Variants in ZNF699 observed in about 807,000 individuals in gnomAD.
The protein encoded by ZNF699 is zinc finger protein 699, also known as hangover homolog.
Under a neutral mutation model 22.5 loss-of-function variants are expected in ZNF699, and 18 were observed. That is an observed-to-expected ratio of 0.80 (90% CI 0.55 to 1.19). The LOEUF is 1.19. Ranked by LOEUF, ZNF699 falls within the 50% of genes most tolerant of loss-of-function variation. ZNF699 has a pLI of 0.00. For synonymous variants in ZNF699, 241 were observed against 262.3 expected (o/e 0.92, Z 0.78); for missense variants, 670 against 763.4 (o/e 0.88, Z 1.44).
rs1158594385 is a variant in ZNF699, at chr19:9,293,099, C to T, written c.*2376G>A. On this transcript the variant is annotated 3_prime_UTR_variant, in exon 6 of 6. Coordinates refer to ENST00000591998, the MANE Select transcript of ZNF699 (RefSeq NM_198535.3). ...TGCAGTGAGCAAGATCACGCCACTG[C>T]ACTCCAACCTGGGCACAAGAGTCCG... Among the ~76,000 whole-genome samples the T allele has an allele frequency of 2.1e-5, 3 of 145,262 alleles. No individual in the cohort carries two copies. Among genetic ancestry groups the T allele is most frequent in the African/African-American group, 7.8e-5 (3 of 38,614 alleles).
At chr19:9,305,240 T>C in intron 1 of ZNF699, 116 bp from the exon 2 acceptor site, 1 of 754,178 alleles carries the variant, frequency 1.3e-6, no homozygotes. Flanking sequence ...CCATCAATTA[T>C]AAGTAACAAC....
chr19:9,296,028 G>A lies in ZNF699; in HGVS notation c.1376C>T (p.Pro459Leu). The A allele has an allele frequency of 1.2e-6, 2 of 1,613,992 alleles. No homozygotes were observed. The highest frequency in any genetic ancestry group is 1.7e-6 in the Non-Finnish European group (2 of 1,180,002). Residue 459 changes from proline to leucine, a missense_variant, in exon 6 of 6, where the codon CCC becomes CTC. Coordinates refer to ENST00000591998, the MANE Select transcript of ZNF699 (RefSeq NM_198535.3). ...CKECGKAFSCPSSFRAHVRDH... is the reference protein window; with the variant it reads ...CKECGKAFSCLSSFRAHVRDH... ...TCTCACATGTGCTCTAAAGGACGAG[G>A]GACAACTAAAGGCCTTCCCACATTC... is the stretch of plus-strand genomic sequence containing the variant.
intron 1 of ZNF699, among the ~76,000 whole-genome samples, chr19:9,308,980 A>G (rs1171293759): frequency 6.6e-6 from 1 of 152,170 alleles, no homozygotes; most frequent in Non-Finnish European, 1.5e-5. Flanking sequence ...GTCCACAGGC[A>G]GAATATAATA....
chr19:9,296,150 C>T lies in ZNF699; in HGVS notation c.1254G>A (p.Pro418=), dbSNP rs768906021. Residue 418 remains proline (P), a synonymous_variant, in exon 6 of 6, where the codon CCG becomes CCA. Coordinates refer to ENST00000591998, the MANE Select transcript of ZNF699 (RefSeq NM_198535.3). ...IHMRKHTGEK[P]YECLECGKAF... ...CCTTTCCACATTCCAGACATTCATA[C>T]GGTTTTTCTCCAGTGTGTTTTCTCA... is the stretch of plus-strand genomic sequence containing the variant. The T allele has an allele frequency of 4.0e-5, 64 of 1,612,560 alleles. No individual in the cohort carries two copies. The Middle Eastern group carries it at 6.6e-4, about 17-fold the overall frequency.
chr19:9,295,722 C>T lies in ZNF699; in HGVS notation c.1682G>A (p.Cys561Tyr), dbSNP rs761724143. The T allele has an allele frequency of 2.5e-6, 4 of 1,614,112 alleles. No individual in the cohort carries two copies. Among genetic ancestry groups the T allele is most frequent in the Middle Eastern group, 1.6e-4 (1 of 6,062 alleles). Residue 561 changes from cysteine to tyrosine, a missense_variant, in exon 6 of 6, where the codon TGT (cysteine) becomes TAT (tyrosine). Cys to Tyr is a radical substitution (Grantham distance 194). Coordinates refer to ENST00000591998, the MANE Select transcript of ZNF699 (RefSeq NM_198535.3). ...ACGAAATGCTTTCCCACATTCCTTA[C>T]ATTCATAGGGTTTTTCCCCAGTGTG... ...RTHTGEKPYE[C>Y]KECGKAFRHS...
chr19:9,305,179 G>A, intron 1 of ZNF699, 55 bp from the exon 2 acceptor site: 1 of 1,527,112 alleles, frequency 6.5e-7, no homozygotes, highest in South Asian at 1.1e-5. Flanking sequence ...GGTGACATGA[G>A]AATCCAGACC....
chr19:9,303,932 C>G (rs1370602195), intron 2 of ZNF699, among the ~76,000 whole-genome samples: 4 of 151,944 alleles, frequency 2.6e-5, no homozygotes, highest in South Asian at 2.1e-4. Flanking sequence ...ATTCCCCTGC[C>G]TCAGCCTCCC....
Position 9,298,008 on chromosome 19 carries a change from CA to C in ZNF699, c.176-19del. The C allele has an allele frequency of 2.0e-6, 3 of 1,509,130 alleles. No individual in the cohort carries two copies. Among genetic ancestry groups the C allele is most frequent in the Non-Finnish European group, 2.8e-6 (3 of 1,089,302 alleles). 93.5% of individuals were successfully genotyped at this position (1,509,130 alleles called of 1,614,324 possible). A position where few individuals can be genotyped will look rare whatever the true frequency, so the allele number is the denominator to read the frequency against. ...CGGATACCCTGCACAAGCAGAAAGG[CA>C]TATCACGAGGGAAAATAATGAAGAA... On this transcript the variant is annotated intron_variant, in intron 3 of 5. Transcript: ENST00000591998.
At chr19:9,301,030 A>G (rs1241856575) in intron 3 of ZNF699, among the ~76,000 whole-genome samples, 1 of 152,142 alleles carries the variant, frequency 6.6e-6, no homozygotes, top group Non-Finnish European at 1.5e-5. Flanking sequence ...AGAGGAGGCT[A>G]TGCATGTGGG....
chr19:9,296,919 T>C lies in ZNF699; in HGVS notation c.485A>G (p.Glu162Gly). 6.3e-7 allele frequency: 1 copy of C among 1,595,258 alleles called. No homozygotes were observed. The highest frequency in any genetic ancestry group is 8.5e-7 in the Non-Finnish European group (1 of 1,169,702). The change falls in exon 6 of 6, where the codon GAG (glutamate) becomes GGG (glycine). Residue 162 changes from glutamate to glycine, a missense_variant. Physicochemically the swap from Glu to Gly is moderately conservative, Grantham distance 98 (BLOSUM62 -2). Coordinates refer to ENST00000591998, the MANE Select transcript of ZNF699 (RefSeq NM_198535.3). ...HERHLRNHMV[E>G]NIYECYEENQ... ...TTCTTCATAACATTCATAGATGTTC[T>C]CTACCATATGATTTCTTTTAAAAAT...
chr19:9,300,301 C>T (rs1217601529), intron 3 of ZNF699, among the ~76,000 whole-genome samples: 1 of 152,104 alleles, frequency 6.6e-6, no homozygotes, highest in Non-Finnish European at 1.5e-5. Flanking sequence ...AGGATGGTCT[C>T]GATCTCCTGA....
chr19:9,295,769 G>C lies in ZNF699; in HGVS notation c.1635C>G (p.Ala545=), dbSNP rs768754094. The C allele has an allele frequency of 6.2e-7, 1 of 1,613,768 alleles. No homozygotes were observed. The highest frequency in any genetic ancestry group is 8.5e-7 in the Non-Finnish European group (1 of 1,179,908). Residue 545 remains alanine (A), a synonymous_variant, in exon 6 of 6, where the codon GCC becomes GCG. Transcript: ENST00000591998. ...TGTGCGTTCTCATGTGGATCCTAAG[G>C]GCTGAGGGATAAATAAAGGCTTTCC... ...KCGKAFIYPS[A]LRIHMRTHTG...
intron 1 of ZNF699, among the ~76,000 whole-genome samples, chr19:9,307,783 T>G (rs941057221): frequency 9.2e-5 from 14 of 151,878 alleles, no homozygotes; most frequent in African/African-American, 3.4e-4. Flanking sequence ...CCACCTCTAC[T>G]AAAAATACAA....
intron 2 of ZNF699, among the ~76,000 whole-genome samples, 167 bp downstream of exon 2, chr19:9,304,905 G>A (rs1017082727): frequency 7.3e-6 from 1 of 137,814 alleles, no homozygotes; most frequent in Non-Finnish European, 1.5e-5. Context: ...CCTGGCGACA[G>A]AGCAAGACTC....
chr19:9,307,453 A>G (rs2066331563), intron 1 of ZNF699, among the ~76,000 whole-genome samples: 1 of 152,248 alleles, frequency 6.6e-6, no homozygotes, highest in African/African-American at 2.4e-5. Flanking sequence ...TACATCAGGT[A>G]GAGATACATG....
Position 9,295,936 on chromosome 19 carries a change from G to C in ZNF699, c.1468C>G (p.Leu490Val). The C allele has an allele frequency of 6.2e-7, 1 of 1,613,978 alleles. No individual in the cohort carries two copies. Among genetic ancestry groups the C allele is most frequent in the Non-Finnish European group, 8.5e-7 (1 of 1,179,998 alleles). Residue 490 changes from leucine to valine, a missense_variant, in exon 6 of 6, where the codon CTC (leucine) becomes GTC (valine). Transcript: ENST00000591998. The part of the protein sequence containing the change: ...CGKTFSRSSS[L>V]TEHLRTHSGE... ...CTGTGAGTTCTTAGGTGTTCGGTGAGGGATGAGGAACGACTAAAGGTCTTC... is the reference window on the plus strand; with the variant it reads ...CTGTGAGTTCTTAGGTGTTCGGTGACGGATGAGGAACGACTAAAGGTCTTC...
intron 2 of ZNF699, among the ~76,000 whole-genome samples, chr19:9,304,215 T>G (rs2066318651): frequency 6.6e-6 from 1 of 152,046 alleles, no homozygotes; most frequent in African/African-American, 2.4e-5. Context: ...ATGAGAAAAA[T>G]GCTCTGGAAA....
rs1043013305 is a variant in ZNF699, at chr19:9,293,765, A to G, written c.*1710T>C. Among the ~76,000 whole-genome samples, 2 of 152,192 alleles carry G rather than the reference A, an allele frequency of 1.3e-5. No individual in the cohort carries two copies. Among genetic ancestry groups the G allele is most frequent in the Non-Finnish European group, 1.5e-5 (1 of 68,042 alleles). Reference sequence around the variant, plus strand: ...ATTAGCACACTTCATGCATGTTAGTATATGTATAATAAAATAAAAAGTGAT... The same window carrying G: ...ATTAGCACACTTCATGCATGTTAGTGTATGTATAATAAAATAAAAAGTGAT... On this transcript the variant is annotated 3_prime_UTR_variant, in exon 6 of 6. Transcript: ENST00000591998.
intron 1 of ZNF699, among the ~76,000 whole-genome samples, chr19:9,308,738 T>C (rs2066336608): frequency 6.6e-6 from 1 of 152,182 alleles, no homozygotes; most frequent in South Asian, 2.1e-4. Flanking sequence ...CAAGACAGGA[T>C]GTAAATTACA....
Sources: gnomAD v4.1 joint callset for allele counts (sites outside exome capture counted in the v4.1 genomes callset) on GRCh38, gnomAD v4.1.1 for gene constraint, MANE v1.5 for transcripts, NCBI Gene and HGNC (gene_info 2026-07-23, HGNC 2026-07-21) for gene names.